KCNT2: variants seen among roughly 807,000 people sequenced by gnomAD.
The protein encoded by KCNT2 is potassium sodium-activated channel subfamily T member 2, also known as potassium channel subfamily T member 2.
Under a neutral mutation model 153.8 loss-of-function variants are expected in KCNT2, and 67 were observed. The observed-to-expected ratio is 0.44, with a 90% confidence interval of 0.36 to 0.53. KCNT2 has a LOEUF of 0.53. Ranked by LOEUF, KCNT2 falls within the 20% of genes least tolerant of loss-of-function variation. The pLI is 0.00. For missense variants in KCNT2, 975 were observed against 1,354.8 expected (o/e 0.72, Z 4.40); for synonymous variants, 500 against 458.8 (o/e 1.09, Z -1.15).
chr1:196,424,625 T>C (rs1018447555), intron 11 of KCNT2, among the ~76,000 whole-genome samples: 7 of 151,848 alleles, frequency 4.6e-5, no homozygotes, highest in African/African-American at 1.4e-4. Flanking sequence ...AGAAATGTAA[T>C]TTTCCAATTA....
intron 25 of KCNT2, among the ~76,000 whole-genome samples, chr1:196,277,779 T>G (rs1445288968): frequency 6.6e-6 from 1 of 152,156 alleles, no homozygotes; most frequent in Non-Finnish European, 1.5e-5. Flanking sequence ...AGAGACATGG[T>G]GAACTGTCAG....
intron 1 of KCNT2, among the ~76,000 whole-genome samples, chr1:196,512,903 G>A (rs552779110): frequency 3.3e-5 from 5 of 152,156 alleles, no homozygotes; most frequent in Non-Finnish European, 7.4e-5. Context: ...AGATATTACT[G>A]CAAAAACTGC....
chr1:196,295,816 T>C (rs1660625782), intron 22 of KCNT2, among the ~76,000 whole-genome samples: 1 of 152,064 alleles, frequency 6.6e-6, no homozygotes, highest in South Asian at 2.1e-4. Flanking sequence ...AGGAAGGCTA[T>C]AAATTTAAAG....
intron 1 of KCNT2, among the ~76,000 whole-genome samples, chr1:196,584,407 T>TA (rs1291390116): frequency 1.3e-5 from 2 of 152,056 alleles, no homozygotes; most frequent in Non-Finnish European, 2.9e-5. Flanking sequence ...CAGCTTTTAT[T>TA]AAAAAGATTC....
chr1:196,592,554 A>G (rs1663503528), intron 1 of KCNT2, among the ~76,000 whole-genome samples: 1 of 147,282 alleles, frequency 6.8e-6, no homozygotes, highest in African/African-American at 2.5e-5. Context: ...AAATATATAA[A>G]TGTATTTATA....
chr1:196,517,375 C>T (rs1362337172), intron 1 of KCNT2, among the ~76,000 whole-genome samples: 3 of 152,170 alleles, frequency 2.0e-5, no homozygotes, highest in Admixed American at 6.5e-5. Context: ...GTCTTATCTC[C>T]TCCAAACAGC....
chr1:196,465,500 A>T (rs976719190), intron 7 of KCNT2, 113 bp from the exon 8 acceptor site: 19 of 658,966 alleles, frequency 2.9e-5, no homozygotes, highest in Middle Eastern at 3.7e-4. Flanking sequence ...ACATACATAC[A>T]TATGTAAATA....
chr1:196,311,273 A>G (rs181323593), intron 21 of KCNT2, among the ~76,000 whole-genome samples: 1 of 151,930 alleles, frequency 6.6e-6, no homozygotes, highest in East Asian at 1.9e-4. Flanking sequence ...CACCTTGTTC[A>G]TCACTGCAGC....
intron 1 of KCNT2, among the ~76,000 whole-genome samples, chr1:196,597,945 C>T (rs2149022616): frequency 6.6e-6 from 1 of 152,108 alleles, no homozygotes; most frequent in East Asian, 1.9e-4. Context: ...TTTTCATTAT[C>T]CCAGTACAGT....
intron 1 of KCNT2, among the ~76,000 whole-genome samples, chr1:196,549,508 A>G (rs568300717): frequency 2.0e-5 from 3 of 152,020 alleles, no homozygotes; most frequent in Non-Finnish European, 2.9e-5. Flanking sequence ...ATAGTATCAC[A>G]TTTCATCTCT....
chr1:196,569,345 G>A (rs1224467399), intron 1 of KCNT2, among the ~76,000 whole-genome samples: 1 of 151,988 alleles, frequency 6.6e-6, no homozygotes, highest in African/African-American at 2.4e-5. Context: ...TTTAAAATAT[G>A]CCTTAATATT....
chr1:196,486,958 A>T (rs1349888035), intron 3 of KCNT2, among the ~76,000 whole-genome samples: 1 of 151,960 alleles, frequency 6.6e-6, no homozygotes, highest in East Asian at 1.9e-4. Flanking sequence ...AATCCTTTCA[A>T]AATATTGGAA....
chr1:196,245,158 G>A (rs1346651438), intron 26 of KCNT2, among the ~76,000 whole-genome samples: 4 of 152,138 alleles, frequency 2.6e-5, no homozygotes, highest in Non-Finnish European at 5.9e-5. Flanking sequence ...TGCACCGTGA[G>A]TAGATATGGC....
chr1:196,319,389 C>T lies in KCNT2; in HGVS notation c.2348+95G>A, dbSNP rs543051010. The T allele has an allele frequency of 2.7e-4, 182 of 663,348 alleles. No homozygotes were observed. The African/African-American group carries it at 3.0e-3, about 11-fold the overall frequency. 41.1% of individuals were successfully genotyped at this position (663,348 alleles called of 1,614,324 possible). Reference sequence around the variant, plus strand: ...ATATATCATATTTGCAATACTGACACGGCAAATTACACTCATCATGCAGTA... The same window carrying T: ...ATATATCATATTTGCAATACTGACATGGCAAATTACACTCATCATGCAGTA... On this transcript the variant is annotated intron_variant, in intron 20 of 27. Coordinates refer to ENST00000294725, the MANE Select transcript of KCNT2 (RefSeq NM_198503.5).
At chr1:196,263,272 G>T (rs1322054554) in intron 25 of KCNT2, among the ~76,000 whole-genome samples, 1 of 151,878 alleles carries the variant, frequency 6.6e-6, no homozygotes, top group East Asian at 1.9e-4. Flanking sequence ...TTTTGAAAAT[G>T]TGGCAGATAT....
chr1:196,368,436 TTC>T (rs929395427), intron 14 of KCNT2, among the ~76,000 whole-genome samples: 2 of 152,198 alleles, frequency 1.3e-5, no homozygotes, highest in African/African-American at 4.8e-5. Flanking sequence ...TCCATTATTT[TTC>T]TTTCTTCGAT....
At chr1:196,536,368 T>A (rs1655571487) in intron 1 of KCNT2, among the ~76,000 whole-genome samples, 1 of 152,206 alleles carries the variant, frequency 6.6e-6, no homozygotes, top group Non-Finnish European at 1.5e-5. Context: ...GTGCAGATTA[T>A]CATAGGTGTC....
chr1:196,266,271 A>G (rs1657531267), intron 25 of KCNT2, among the ~76,000 whole-genome samples: 1 of 152,202 alleles, frequency 6.6e-6, no homozygotes, highest in South Asian at 2.1e-4. Flanking sequence ...GGATTGAACT[A>G]TAGTTATCAC....
chr1:196,280,124 T>A (rs534702123), intron 25 of KCNT2, among the ~76,000 whole-genome samples: 1 of 152,314 alleles, frequency 6.6e-6, no homozygotes, highest in East Asian at 1.9e-4. Flanking sequence ...TAGATATTGA[T>A]AGAATGATGA....
Sources: gnomAD v4.1 joint callset for allele counts (sites outside exome capture counted in the v4.1 genomes callset) on GRCh38, gnomAD v4.1.1 for gene constraint, MANE v1.5 for transcripts, NCBI Gene and HGNC (gene_info 2026-07-23, HGNC 2026-07-21) for gene names.